DOCK10: variants seen among roughly 807,000 people sequenced by gnomAD.
The protein encoded by DOCK10 is dedicator of cytokinesis protein 10.
DOCK10 carries 145 observed loss-of-function variants against 280.1 expected under a neutral mutation model. The observed-to-expected ratio is 0.52, with a 90% CI of 0.45 to 0.59. The LOEUF (loss-of-function observed/expected upper bound fraction) is 0.59, where lower values mean the gene tolerates loss of function less well. Ranked by LOEUF, DOCK10 falls within the 20% of genes least tolerant of loss-of-function variation. DOCK10 has a pLI of 0.00. For missense variants in DOCK10, 2,368 were observed against 2,651.7 expected (o/e 0.89, Z 2.35); for synonymous variants, 915 against 942.2 (o/e 0.97, Z 0.53).
At chr2:224,952,453 C>T (rs569134403) in intron 1 of DOCK10, among the ~76,000 whole-genome samples, 1 of 151,234 alleles carries the variant, frequency 6.6e-6, no homozygotes, top group African/African-American at 2.4e-5. Flanking sequence ...GGTGAGAAGT[C>T]GAAATAAAGG....
chr2:224,805,583 A>G lies in DOCK10; in HGVS notation c.3815-54T>C, dbSNP rs1032501992. 1.9e-6 allele frequency: 3 copies of G among 1,604,198 alleles called. No individual in the cohort carries two copies. The African/African-American group carries it at 4.0e-5, about 21-fold the overall frequency. ...GGGAATGAGATGTATGGGCACACAC[A>G]CACAAAAGGTTCACATGATGAACCA... On this transcript the variant is annotated intron_variant, in intron 34 of 55. Transcript: ENST00000258390. The surrounding 1 kb of genome is among the most constrained non-coding windows in gnomAD (Gnocchi z 4.3).
At chr2:224,812,214 T>G (rs991956509) in intron 31 of DOCK10, among the ~76,000 whole-genome samples, 1 of 152,202 alleles carries the variant, frequency 6.6e-6, no homozygotes, top group African/African-American at 2.4e-5. Context: ...CCCTTGTAAG[T>G]TTGATTCCTA....
At chr2:225,031,780 C>T (rs1690084878) in intron 1 of DOCK10, among the ~76,000 whole-genome samples, 1 of 152,164 alleles carries the variant, frequency 6.6e-6, no homozygotes, top group Admixed American at 6.5e-5. Context: ...TTTCTTAAAG[C>T]AGATGGGGCT....
chr2:224,844,492 C>T (rs189909228), intron 22 of DOCK10, among the ~76,000 whole-genome samples: 55 of 152,234 alleles, frequency 3.6e-4, no homozygotes, highest in Non-Finnish European at 6.3e-4. Context: ...AACCATACTC[C>T]AAGGGGAGTG....
intron 1 of DOCK10, among the ~76,000 whole-genome samples, chr2:224,948,506 T>C (rs1359463133): frequency 6.6e-6 from 1 of 152,254 alleles, no homozygotes; most frequent in Non-Finnish European, 1.5e-5. Context: ...TGAACAGGTA[T>C]GTTATAGTAC....
intron 42 of DOCK10, 67 bp from the exon 43 acceptor site, chr2:224,797,213 T>A: frequency 8.0e-7 from 1 of 1,247,250 alleles, no homozygotes; most frequent in Non-Finnish European, 1.1e-6. Flanking sequence ...ATTCTCATAT[T>A]TTAAAATTCC....
intron 2 of DOCK10, among the ~76,000 whole-genome samples, chr2:224,929,529 G>A (rs1476567113): frequency 6.6e-6 from 1 of 152,150 alleles, no homozygotes; most frequent in Non-Finnish European, 1.5e-5. Flanking sequence ...ACCACATCTC[G>A]AAGCAGGCAT....
chr2:224,784,475 T>C (rs1691592929), intron 50 of DOCK10, among the ~76,000 whole-genome samples: 1 of 152,230 alleles, frequency 6.6e-6, no homozygotes. Context: ...TATGTAAGGC[T>C]TTCAGACTAC....
intron 1 of DOCK10, among the ~76,000 whole-genome samples, chr2:224,945,678 C>CATATATATAT (rs146310112): frequency 6.7e-6 from 1 of 150,078 alleles, no homozygotes; most frequent in Non-Finnish European, 1.5e-5. Context: ...CATGTGTGTG[C>CATATATATAT]ATATATATAT....
chr2:224,917,101 C>CTTTTTTTTTTTTTTTTTTTTTTTT (rs58223345), intron 2 of DOCK10, among the ~76,000 whole-genome samples: 5 of 95,780 alleles, frequency 5.2e-5, no homozygotes, highest in African/African-American at 1.4e-4. Context: ...CTATTGGAAT[C>CTTTTTTTTTTTTTTTTTTTTTTTT]TTTTTTTTTT....
Position 224,803,047 on chromosome 2 carries a change from G to A in DOCK10, c.4269-1007C>T, listed in dbSNP as rs1214284538. On this transcript the variant is annotated intron_variant, in intron 39 of 55. Coordinates refer to ENST00000258390, the MANE Select transcript of DOCK10 (RefSeq NM_014689.3). ...GCTCTAGGCTTTAGGCATTTGGATT[G>A]GCTTATTTCTAGGTTTTGAGTGTAG... Among the ~76,000 whole-genome samples, 4 of 152,016 alleles carry A rather than the reference G, an allele frequency of 2.6e-5. No homozygotes were observed. In the East Asian group the frequency reaches 7.7e-4, roughly 29 times the overall value.
chr2:225,020,511 AT>A (rs945921681), intron 1 of DOCK10, among the ~76,000 whole-genome samples: 16 of 152,258 alleles, frequency 1.1e-4, no homozygotes, highest in Admixed American at 2.0e-4. Flanking sequence ...CTCTAAAAAA[AT>A]CATACATTAT....
In DOCK10 at chr2:224,840,067, T is replaced by C. The variant is rs1227437544; in HGVS notation, c.2667A>G (p.Leu889=). 6.7e-7 allele frequency: 1 copy of C among 1,498,716 alleles called. No homozygotes were observed. Among genetic ancestry groups the C allele is most frequent in the Non-Finnish European group, 9.1e-7 (1 of 1,099,362 alleles). 92.8% of individuals were successfully genotyped at this position (1,498,716 alleles called of 1,614,324 possible). A position where few individuals can be genotyped will look rare whatever the true frequency, so the allele number is the denominator to read the frequency against. The change falls in exon 24 of 56, where the codon TTA becomes TTG. Residue 889 remains leucine (L), a synonymous_variant. Coordinates refer to ENST00000258390, the MANE Select transcript of DOCK10 (RefSeq NM_014689.3). ...TTGCATGAATCTTTTCCACATTCAA[T>C]AAGTTCTGTAGTAAATTGGCAGAAA... ...TSNFIRSCKN[L]LNVEKIHAIM...
At chr2:224,822,040 CAA>C (rs930662839) in intron 28 of DOCK10, among the ~76,000 whole-genome samples, 4 of 152,088 alleles carry the variant, frequency 2.6e-5, no homozygotes, top group African/African-American at 9.7e-5. Context: ...TCACCAGTGA[CAA>C]GTTGGGCCCA....
intron 1 of DOCK10, among the ~76,000 whole-genome samples, chr2:224,997,433 T>C (rs1157664555): frequency 6.6e-6 from 1 of 152,092 alleles, no homozygotes; most frequent in Non-Finnish European, 1.5e-5. Flanking sequence ...GGTTTCACCA[T>C]GTTAGCCAGG....
At chr2:224,777,909 C>T (rs534207225) in intron 51 of DOCK10, among the ~76,000 whole-genome samples, 37 of 152,132 alleles carry the variant, frequency 2.4e-4, no homozygotes, top group Non-Finnish European at 4.9e-4. Context: ...CCAATGGAGA[C>T]GTAGAGAATT....
intron 1 of DOCK10, among the ~76,000 whole-genome samples, chr2:224,965,586 G>A (rs1000628885): frequency 7.9e-5 from 12 of 152,154 alleles, no homozygotes; most frequent in African/African-American, 2.9e-4. Flanking sequence ...ACTTAATACA[G>A]GCCAAATGCC....
chr2:224,865,606 A>G (rs927527917), intron 11 of DOCK10, among the ~76,000 whole-genome samples: 2 of 152,130 alleles, frequency 1.3e-5, no homozygotes, highest in African/African-American at 4.8e-5. Flanking sequence ...AACACAAAAC[A>G]CTGTGGCAAG....
rs200315766 is a variant in DOCK10, at chr2:224,792,996, T to A, written c.5289A>T (p.Leu1763Phe). Residue 1763 changes from leucine (L) to phenylalanine (F), a missense_variant, in exon 47 of 56, where the codon TTA becomes TTT. This residue lies in a region of DOCK10 where 1,159 missense variants were observed against 1,400.8 expected (regional missense o/e 0.83). Transcript: ENST00000258390. Reference sequence around the variant, plus strand: ...CACTTCCTCCACTGGGAGTTGTTAGTAATGAGTTGCTATCACAGGGGTGGG... The same window carrying A: ...CACTTCCTCCACTGGGAGTTGTTAGAAATGAGTTGCTATCACAGGGGTGGG... The part of the protein sequence containing the change: ...EDTHPCDSNS[L>F]LTTPSGGSMF... The A allele has an allele frequency of 6.9e-5, 112 of 1,613,650 alleles. No homozygotes were observed. In the African/African-American group the frequency reaches 1.3e-3, roughly 19 times the overall value.
Sources: allele counts gnomAD v4.1 joint callset (sites outside exome capture counted in the v4.1 genomes callset), GRCh38; gene constraint gnomAD v4.1.1; regional missense constraint gnomAD v4.1.1; non-coding constraint Gnocchi (gnomAD v3.1); transcripts MANE v1.5; gene names NCBI Gene and HGNC (gene_info 2026-07-23, HGNC 2026-07-21).